The following SEM1 variants were observed in gnomAD, a reference collection of about 807,000 sequenced individuals.
The protein encoded by SEM1 is 26S proteasome complex subunit SEM1.
Under a neutral mutation model 12.7 loss-of-function variants are expected in SEM1, and 3 were observed. The observed-to-expected ratio is 0.24, with a 90% CI of 0.11 to 0.61. The LOEUF is 0.61. Among genes scored for constraint, SEM1 ranks in the 20% least tolerant of loss-of-function variants. The pLI is 0.88. For missense variants in SEM1, 59 were observed against 81.3 expected, an observed-to-expected ratio of 0.73 and a Z score of 1.06; for synonymous variants, 30 against 27.8, an observed-to-expected ratio of 1.08 and a Z score of -0.25.
At chr7:96,624,850 T>A (rs1808007699) in intron 2 of SEM1, among the ~76,000 whole-genome samples, 1 of 152,098 alleles carries the variant, frequency 6.6e-6, no homozygotes, top group South Asian at 2.1e-4. Flanking sequence ...ATAGGGAGAT[T>A]CTAAAAGCAA....
exon 3 of SEM1, chr7:96,673,742 A>G (rs1254964740): frequency 2.6e-6 from 2 of 765,024 alleles, no homozygotes; most frequent in African/African-American, 3.4e-5. Context: ...CCATGAACAC[A>G]TACAGGTTGA....
intron 2 of SEM1, among the ~76,000 whole-genome samples, chr7:96,532,190 T>A (rs1324662356): frequency 1.3e-5 from 2 of 152,114 alleles, no homozygotes; most frequent in Non-Finnish European, 2.9e-5. Flanking sequence ...AAACATGTTT[T>A]AAAAAAATCA....
intron 2 of SEM1, among the ~76,000 whole-genome samples, chr7:96,563,421 G>A (rs138429684): frequency 1.3e-5 from 2 of 152,162 alleles, no homozygotes; most frequent in South Asian, 2.1e-4. Flanking sequence ...ATGACTGCCA[G>A]GCAGCATAAA....
chr7:96,611,892 A>G (rs1036716596), intron 2 of SEM1, among the ~76,000 whole-genome samples: 7 of 152,096 alleles, frequency 4.6e-5, no homozygotes, highest in African/African-American at 1.7e-4. Flanking sequence ...CTACTATCTA[A>G]AAGTCAATTC....
intron 2 of SEM1, among the ~76,000 whole-genome samples, chr7:96,691,876 T>C (rs186260024): frequency 5.1e-4 from 78 of 152,336 alleles, no homozygotes; most frequent in Middle Eastern, 3.4e-3. Flanking sequence ...CTACAGCAAG[T>C]TCTATTTGAC....
At chr7:96,534,187 C>A (rs529913290) in intron 2 of SEM1, among the ~76,000 whole-genome samples, 1 of 152,100 alleles carries the variant, frequency 6.6e-6, no homozygotes, top group South Asian at 2.1e-4. Flanking sequence ...ACAAAGTGAA[C>A]TTGTCACTTC....
chr7:96,653,003 C>A (rs976154624), intron 2 of SEM1, among the ~76,000 whole-genome samples: 1 of 152,178 alleles, frequency 6.6e-6, no homozygotes, highest in African/African-American at 2.4e-5. Context: ...ATGTGCCAAG[C>A]ACTAAGCTAC....
At chr7:96,566,376 A>T (rs1805843320) in intron 2 of SEM1, among the ~76,000 whole-genome samples, 1 of 151,618 alleles carries the variant, frequency 6.6e-6, no homozygotes, top group African/African-American at 2.4e-5. Flanking sequence ...TTAATGGTTG[A>T]CAAGGCTGAA....
chr7:96,628,430 G>A (rs540944850), intron 2 of SEM1, among the ~76,000 whole-genome samples: 115 of 151,860 alleles, frequency 7.6e-4, no homozygotes, highest in Non-Finnish European at 1.3e-3. Flanking sequence ...GTATGTTACC[G>A]TGAGGCTTGC....
intron 2 of SEM1, among the ~76,000 whole-genome samples, chr7:96,540,425 A>G (rs1270900247): frequency 6.6e-6 from 1 of 151,860 alleles, no homozygotes; most frequent in Non-Finnish European, 1.5e-5. Context: ...TTCTGTTAAT[A>G]AAATTAATAG....
intron 2 of SEM1, among the ~76,000 whole-genome samples, chr7:96,519,138 T>A (rs375308921): frequency 9.9e-5 from 15 of 152,104 alleles, no homozygotes; most frequent in African/African-American, 3.4e-4. Context: ...CTGGAAATAA[T>A]TATTGGTCTC....
At chr7:96,562,850 T>C (rs77578871) in intron 2 of SEM1, among the ~76,000 whole-genome samples, 1 of 152,134 alleles carries the variant, frequency 6.6e-6, no homozygotes, top group Admixed American at 6.5e-5. Flanking sequence ...TTACCATAGA[T>C]GTAGATTTTT....
At chr7:96,540,834 G>A (rs1171139859) in intron 2 of SEM1, among the ~76,000 whole-genome samples, 2 of 151,898 alleles carry the variant, frequency 1.3e-5, no homozygotes, top group East Asian at 3.9e-4. Context: ...AGAAAACACG[G>A]TATTTGGTTT....
At chr7:96,675,351 T>C (rs2115622119) in intron 2 of SEM1, among the ~76,000 whole-genome samples, 1 of 152,258 alleles carries the variant, frequency 6.6e-6, no homozygotes, top group South Asian at 2.1e-4. Flanking sequence ...CGCCGTCACT[T>C]CTATGTATAG....
intron 2 of SEM1, among the ~76,000 whole-genome samples, chr7:96,544,422 C>T (rs779817535): frequency 3.4e-4 from 51 of 151,848 alleles, no homozygotes; most frequent in Non-Finnish European, 6.2e-4. Context: ...AATTATAAAG[C>T]GCTATAGAGA....
At chr7:96,499,180 T>C (rs936990885), upstream of SEM1, among the ~76,000 whole-genome samples, 5 of 152,062 alleles carry the variant, frequency 3.3e-5, no homozygotes, top group Non-Finnish European at 5.9e-5. Flanking sequence ...TCCATAGTTA[T>C]GTCAAGAAAT....
At chr7:96,673,623 A>G (rs1339090284) in exon 3 of SEM1, 3 of 638,738 alleles carry the variant, frequency 4.7e-6, no homozygotes, top group Non-Finnish European at 8.5e-6. Context: ...GAAATGCTGT[A>G]GCACCACCCC....
chr7:96,492,759 ATGTGTGTGTGTGTG>A (rs138520257), intron 1 of SEM1, among the ~76,000 whole-genome samples: 1 of 142,898 alleles, frequency 7.0e-6, no homozygotes, highest in African/African-American at 2.7e-5. Context: ...AATAATATTC[ATGTGTGTGTGTGTG>A]TGTGTGTGTG....
chr7:96,694,653 G>T, intron 2 of SEM1, 145 bp downstream of exon 2: 1 of 448,162 alleles, frequency 2.2e-6, no homozygotes. Context: ...CACAGGAGAT[G>T]AAGACAATAT....
Sources: allele counts gnomAD v4.1 joint callset (sites outside exome capture counted in the v4.1 genomes callset), GRCh38; gene constraint gnomAD v4.1.1; transcripts MANE v1.5; gene names NCBI Gene and HGNC (gene_info 2026-07-23, HGNC 2026-07-21).